STXBP5L: variants seen among roughly 807,000 people sequenced by gnomAD.
STXBP5L encodes syntaxin-binding protein 5-like.
A neutral mutation model predicts 144.5 loss-of-function variants in STXBP5L; 65 were observed. The observed-to-expected ratio is 0.45, with a 90% CI of 0.37 to 0.55. The LOEUF is 0.55. STXBP5L is among the 20% of genes least tolerant of loss of function. STXBP5L has a pLI of 0.00. For synonymous variants in STXBP5L, 505 were observed against 469.6 expected (o/e 1.08, Z -0.97); for missense variants, 1,298 against 1,405.5 (o/e 0.92, Z 1.22).
chr3:121,017,133 A>T (rs1945198296), intron 3 of STXBP5L, among the ~76,000 whole-genome samples: 1 of 152,222 alleles, frequency 6.6e-6, no homozygotes, highest in South Asian at 2.1e-4. Flanking sequence ...CTCATTTAGC[A>T]TTAAAAAAAT....
chr3:121,092,300 C>T (rs2042852510), intron 5 of STXBP5L, among the ~76,000 whole-genome samples: 1 of 151,912 alleles, frequency 6.6e-6, no homozygotes. Flanking sequence ...TTTTCCAATT[C>T]TGTGATGAAA....
intron 5 of STXBP5L, among the ~76,000 whole-genome samples, chr3:121,061,268 G>T (rs1359098004): frequency 6.6e-6 from 1 of 152,170 alleles, no homozygotes; most frequent in Admixed American, 6.5e-5. Flanking sequence ...CAGTTTCCAT[G>T]CAGTTGTGTG....
intron 3 of STXBP5L, among the ~76,000 whole-genome samples, chr3:120,992,549 A>G (rs111830580): frequency 1.3e-5 from 2 of 152,162 alleles, no homozygotes; most frequent in African/African-American, 4.8e-5. Context: ...AGAATATGTG[A>G]TGTTTATATT....
intron 19 of STXBP5L, 55 bp from the exon 20 acceptor site, chr3:121,318,420 A>G: frequency 2.1e-6 from 3 of 1,397,690 alleles, no homozygotes; most frequent in Admixed American, 4.4e-5. Context: ...AGAAATAAGA[A>G]TAACCTACAA....
intron 3 of STXBP5L, among the ~76,000 whole-genome samples, chr3:120,998,766 C>T (rs1943548977): frequency 6.6e-6 from 1 of 152,088 alleles, no homozygotes; most frequent in Non-Finnish European, 1.5e-5. Flanking sequence ...TTCCTCTTCA[C>T]AATAGCCACA....
At chr3:121,112,161 GGCAGCT>G (rs1407475741) in intron 5 of STXBP5L, among the ~76,000 whole-genome samples, 2 of 151,786 alleles carry the variant, frequency 1.3e-5, no homozygotes, top group Non-Finnish European at 2.9e-5. Flanking sequence ...TTAGGCAACA[GGCAGCT>G]GCAATGATGG....
At chr3:121,071,417 G>T (rs1490491104) in intron 5 of STXBP5L, among the ~76,000 whole-genome samples, 1 of 152,210 alleles carries the variant, frequency 6.6e-6, no homozygotes. Context: ...GGACCGACCA[G>T]CCTCTGGTGC....
chr3:120,928,502 C>A (rs1709756284), intron 2 of STXBP5L, among the ~76,000 whole-genome samples: 1 of 152,200 alleles, frequency 6.6e-6, no homozygotes, highest in African/African-American at 2.4e-5. Flanking sequence ...ACCTTGTGAT[C>A]TGCCCTCCTT....
intron 3 of STXBP5L, among the ~76,000 whole-genome samples, chr3:121,001,102 C>G (rs938341622): frequency 8.5e-5 from 13 of 152,146 alleles, no homozygotes; most frequent in Non-Finnish European, 1.6e-4. Flanking sequence ...TGATCCATGC[C>G]CACATGCATG....
At chr3:121,182,158 T>G (rs1246353237) in intron 9 of STXBP5L, among the ~76,000 whole-genome samples, 1 of 152,172 alleles carries the variant, frequency 6.6e-6, no homozygotes, top group African/African-American at 2.4e-5. Context: ...TTAAACTATA[T>G]GCTAGACCAA....
At chr3:120,982,141 T>G (rs1941838804) in intron 3 of STXBP5L, among the ~76,000 whole-genome samples, 1 of 152,136 alleles carries the variant, frequency 6.6e-6, no homozygotes, top group East Asian at 1.9e-4. Context: ...CCCAAGCTAG[T>G]AAGTAGGTAG....
intron 5 of STXBP5L, among the ~76,000 whole-genome samples, chr3:121,067,930 A>T (rs1033215054): frequency 6.6e-6 from 1 of 152,218 alleles, no homozygotes; most frequent in African/African-American, 2.4e-5. Flanking sequence ...TGCATGGCAT[A>T]TATATTTCCA....
chr3:121,340,027 TA>T (rs2044651120), intron 20 of STXBP5L, among the ~76,000 whole-genome samples: 1 of 151,962 alleles, frequency 6.6e-6, no homozygotes, highest in Non-Finnish European at 1.5e-5. Context: ...AATACCAAAT[TA>T]TTTTTCACAA....
intron 9 of STXBP5L, among the ~76,000 whole-genome samples, chr3:121,171,758 T>G (rs952653475): frequency 6.6e-6 from 1 of 150,670 alleles, no homozygotes; most frequent in Non-Finnish European, 1.5e-5. Context: ...CAATATCGTG[T>G]GAAAATGGCC....
At chr3:121,169,198 A>G (rs1306876299) in intron 9 of STXBP5L, among the ~76,000 whole-genome samples, 4 of 152,192 alleles carry the variant, frequency 2.6e-5, no homozygotes, top group African/African-American at 2.4e-5. Context: ...AGCACTAAAC[A>G]TGGAAAGGAA....
chr3:121,205,458 C>T (rs975204145), intron 9 of STXBP5L, among the ~76,000 whole-genome samples: 3 of 152,178 alleles, frequency 2.0e-5, no homozygotes, highest in African/African-American at 7.2e-5. Context: ...GTCCTAATCA[C>T]CTCTTAAAAG....
intron 22 of STXBP5L, among the ~76,000 whole-genome samples, chr3:121,391,365 T>C (rs1339089843): frequency 6.6e-6 from 1 of 152,202 alleles, no homozygotes; most frequent in Non-Finnish European, 1.5e-5. Context: ...TTCTTATTAC[T>C]GACCTTCTGA....
At chr3:120,927,016 A>C (rs1028466293) in intron 2 of STXBP5L, among the ~76,000 whole-genome samples, 3 of 150,476 alleles carry the variant, frequency 2.0e-5, no homozygotes, top group Middle Eastern at 3.2e-3. Context: ...GCTCACTGCA[A>C]CCTCCGCCTG....
chr3:121,151,009 C>A (rs1026091213), intron 7 of STXBP5L, among the ~76,000 whole-genome samples: 4 of 152,048 alleles, frequency 2.6e-5, no homozygotes, highest in African/African-American at 9.7e-5. Flanking sequence ...ATCTCTTGAA[C>A]CCAGGAGGCG....
Sources: allele counts gnomAD v4.1 joint callset (sites outside exome capture counted in the v4.1 genomes callset), GRCh38; gene constraint gnomAD v4.1.1; transcripts MANE v1.5; gene names NCBI Gene and HGNC (gene_info 2026-07-23, HGNC 2026-07-21).